CCNY: variants seen among roughly 807,000 people sequenced by gnomAD.
The protein encoded by CCNY is cyclin Y.
CCNY carries 19 observed loss-of-function variants against 42.8 expected under a neutral mutation model. The ratio of observed to expected loss-of-function variants is 0.44; its 90% CI spans 0.31 to 0.65. The LOEUF is 0.65. Ranked by LOEUF, CCNY falls within the 30% of genes least tolerant of loss-of-function variation. The pLI, the probability that CCNY is intolerant of heterozygous loss-of-function variation, is 0.07. For synonymous variants in CCNY, 165 were observed against 162.7 expected (o/e 1.01, Z -0.11); for missense variants, 370 against 437.3 (o/e 0.85, Z 1.37).
intron 2 of CCNY, among the ~76,000 whole-genome samples, chr10:35,494,240 C>CT (rs1470827541): frequency 7.0e-6 from 1 of 143,450 alleles, no homozygotes; most frequent in Non-Finnish European, 1.5e-5. Context: ...TGAGACCCCC[C>CT]CCCCCATTTC....
intron 1 of CCNY, among the ~76,000 whole-genome samples, chr10:35,423,706 G>C (rs1175602039): frequency 6.6e-6 from 1 of 152,086 alleles, no homozygotes; most frequent in Non-Finnish European, 1.5e-5. Context: ...GAAGAACTTT[G>C]ACCTGCCTCA....
intron 3 of CCNY, among the ~76,000 whole-genome samples, chr10:35,503,106 C>A (rs2135392822): frequency 6.6e-6 from 1 of 152,250 alleles, no homozygotes; most frequent in African/African-American, 2.4e-5. Flanking sequence ...CCCCAACAGG[C>A]ACACACCTAA....
intron 3 of CCNY, among the ~76,000 whole-genome samples, chr10:35,283,498 G>C (rs976330213): frequency 2.0e-5 from 3 of 152,004 alleles, no homozygotes; most frequent in Non-Finnish European, 2.9e-5. Flanking sequence ...CTGCCTCCTG[G>C]GTTCAAGTGA....
intron 1 of CCNY, among the ~76,000 whole-genome samples, chr10:35,404,523 T>C (rs1434299944): frequency 3.9e-5 from 6 of 152,108 alleles, no homozygotes; most frequent in Admixed American, 1.3e-4. Flanking sequence ...ACAACAGTTA[T>C]GGAGGCAAGG....
At chr10:35,464,552 T>C (rs1839218721) in intron 1 of CCNY, among the ~76,000 whole-genome samples, 1 of 151,950 alleles carries the variant, frequency 6.6e-6, no homozygotes, top group African/African-American at 2.4e-5. Flanking sequence ...GCGTCTCAAA[T>C]GCCCAGTATG....
At chr10:35,261,944 C>T (rs867780580) in intron 3 of CCNY, among the ~76,000 whole-genome samples, 1 of 151,774 alleles carries the variant, frequency 6.6e-6, no homozygotes, top group Non-Finnish European at 1.5e-5. Flanking sequence ...TTACTTGAAC[C>T]AGGGAGGTGG....
At chr10:35,510,960 C>T (rs1316851158) in intron 3 of CCNY, among the ~76,000 whole-genome samples, 1 of 152,202 alleles carries the variant, frequency 6.6e-6, no homozygotes, top group African/African-American at 2.4e-5. Context: ...CCACTGTGCT[C>T]CTGCCCTGCC....
chr10:35,454,017 C>T (rs920400275), intron 1 of CCNY, among the ~76,000 whole-genome samples: 2 of 152,070 alleles, frequency 1.3e-5, no homozygotes, highest in African/African-American at 4.8e-5. Context: ...CTGGAGGTTC[C>T]AACTCATAGT....
chr10:35,552,218 A>G (rs577766722), intron 7 of CCNY, among the ~76,000 whole-genome samples: 2 of 152,358 alleles, frequency 1.3e-5, no homozygotes, highest in African/African-American at 4.8e-5. Context: ...CCATGCCACA[A>G]CATGGGTGAA....
At chr10:35,300,008 A>C (rs944873713) in intron 3 of CCNY, among the ~76,000 whole-genome samples, 1 of 152,326 alleles carries the variant, frequency 6.6e-6, no homozygotes, top group African/African-American at 2.4e-5. Context: ...CAATCACGTA[A>C]GTTTTCAGAA....
intron 3 of CCNY, among the ~76,000 whole-genome samples, chr10:35,322,526 A>C (rs927927219): frequency 6.6e-6 from 1 of 152,230 alleles, no homozygotes; most frequent in Non-Finnish European, 1.5e-5. Context: ...TACAAAGTTA[A>C]AGACTTCTGC....
intron 1 of CCNY, among the ~76,000 whole-genome samples, chr10:35,355,880 A>G (rs963198427): frequency 1.3e-5 from 2 of 151,520 alleles, no homozygotes; most frequent in Non-Finnish European, 2.9e-5. Context: ...TTCTTATGCC[A>G]TGAACATCTG....
chr10:35,315,446 TTC>T (rs1479577114), intron 3 of CCNY: 1 of 152,236 alleles, frequency 6.6e-6, no homozygotes, highest in African/African-American at 2.4e-5. Context: ...AATAATCTCA[TTC>T]TTTTTTATGG....
At chr10:35,275,150 G>GCCT (rs1302537231) in intron 3 of CCNY, among the ~76,000 whole-genome samples, 1 of 135,022 alleles carries the variant, frequency 7.4e-6, no homozygotes, top group Non-Finnish European at 1.5e-5. Context: ...TGCAATCTCA[G>GCCT]CCTCCTGGGT....
At chr10:35,361,887 C>T (rs1836693889) in intron 1 of CCNY, among the ~76,000 whole-genome samples, 1 of 152,216 alleles carries the variant, frequency 6.6e-6, no homozygotes, top group Non-Finnish European at 1.5e-5. Flanking sequence ...CCTCAACACA[C>T]ACACTTCAGC....
rs748200894 is a variant in CCNY at position 35,337,254 on chromosome 10, C to T, written c.154+47C>T. The T allele has an allele frequency of 6.9e-6, 10 of 1,442,916 alleles. No homozygotes were observed. In the South Asian group the frequency reaches 1.1e-4, roughly 16 times the overall value. 89.4% of individuals were successfully genotyped at this position (1,442,916 alleles called of 1,614,324 possible). A position where few individuals can be genotyped will look rare whatever the true frequency, so the allele number is the denominator to read the frequency against. ...CCCTACCCGCCCCCGCGGCAACAGTCGCACAGCCAACGTCGGGGCGGCCCG... is the reference window on the plus strand; with the variant it reads ...CCCTACCCGCCCCCGCGGCAACAGTTGCACAGCCAACGTCGGGGCGGCCCG... On this transcript the variant is annotated intron_variant, in intron 1 of 9. Coordinates refer to ENST00000374704, the MANE Select transcript of CCNY (RefSeq NM_145012.6).
At chr10:35,423,402 G>A (rs1338852275) in intron 1 of CCNY, among the ~76,000 whole-genome samples, 1 of 151,784 alleles carries the variant, frequency 6.6e-6, no homozygotes, top group East Asian at 1.9e-4. Context: ...CTGAGCCCAG[G>A]GAGGTTGAGG....
intron 1 of CCNY, among the ~76,000 whole-genome samples, chr10:35,337,485 A>G (rs1836070514): frequency 6.6e-6 from 1 of 152,070 alleles, no homozygotes. Flanking sequence ...GCGAGGTGAC[A>G]GGAGCCGGCC....
At chr10:35,266,607 T>C (rs2095725790) in intron 3 of CCNY, among the ~76,000 whole-genome samples, 1 of 152,090 alleles carries the variant, frequency 6.6e-6, no homozygotes, top group Non-Finnish European at 1.5e-5. Flanking sequence ...CCGAACAGAA[T>C]GTAACAAGAG....
Sources: allele counts gnomAD v4.1 joint callset (sites outside exome capture counted in the v4.1 genomes callset), GRCh38; gene constraint gnomAD v4.1.1; transcripts MANE v1.5; gene names NCBI Gene and HGNC (gene_info 2026-07-23, HGNC 2026-07-21).